TIAM1: variants seen among roughly 807,000 people sequenced by gnomAD.
TIAM1 encodes the protein TIAM Rac1 associated GEF 1, also known as rho guanine nucleotide exchange factor TIAM1.
In TIAM1, 65 loss-of-function variants were observed where a neutral mutation model predicts 163.5. The observed-to-expected ratio is 0.40, with a 90% CI of 0.33 to 0.49. The LOEUF is 0.49. TIAM1 is among the 20% of genes least tolerant of loss of function. The pLI is 0.77. For synonymous variants in TIAM1, 833 were observed against 810.1 expected (o/e 1.03, Z -0.48); for missense variants, 1,789 against 2,044.7 (o/e 0.87, Z 2.41).
rs373797523 is a variant in TIAM1, at chr21:31,127,206, A to G, written c.4046-54T>C. The G allele has an allele frequency of 3.3e-5, 52 of 1,555,276 alleles. No homozygotes were observed. The African/African-American group carries it at 5.7e-4, about 17-fold the overall frequency. ...GGGTATGTTTCAAGTGGATTTATTTACATGTTTGCAAAAGCATTTTTCAGC... is the reference window on the plus strand; with the variant it reads ...GGGTATGTTTCAAGTGGATTTATTTGCATGTTTGCAAAAGCATTTTTCAGC... On this transcript the variant is annotated intron_variant, in intron 25 of 27. Coordinates refer to ENST00000541036, the MANE Select transcript of TIAM1 (RefSeq NM_001353694.2).
intron 19 of TIAM1, among the ~76,000 whole-genome samples, chr21:31,152,431 C>T (rs2083422729): frequency 1.3e-5 from 2 of 152,204 alleles, no homozygotes; most frequent in Non-Finnish European, 2.9e-5. Context: ...ACGTAAAAGC[C>T]AGCAGCTGCA....
intron 1 of TIAM1, among the ~76,000 whole-genome samples, chr21:31,478,113 T>C (rs1043630095): frequency 2.0e-5 from 3 of 152,252 alleles, no homozygotes; most frequent in East Asian, 1.9e-4. Flanking sequence ...GTTAGATTGC[T>C]GGCCTTATTG....
intron 2 of TIAM1, among the ~76,000 whole-genome samples, chr21:31,369,204 T>C (rs993921032): frequency 8.1e-6 from 1 of 123,260 alleles, no homozygotes; most frequent in Non-Finnish European, 1.6e-5. Flanking sequence ...CCAGCCTGGG[T>C]GACAGAGCGA....
intron 6 of TIAM1, among the ~76,000 whole-genome samples, chr21:31,234,791 AG>A (rs1379005967): frequency 6.9e-6 from 1 of 144,906 alleles, no homozygotes; most frequent in Non-Finnish European, 1.5e-5. Context: ...CCAAAAAAAA[AG>A]AGAAGAAATT....
intron 1 of TIAM1, among the ~76,000 whole-genome samples, chr21:31,508,458 G>A (rs977418599): frequency 5.4e-5 from 8 of 148,108 alleles, no homozygotes; most frequent in Non-Finnish European, 8.9e-5. Flanking sequence ...GCACAATCTC[G>A]GCTCACTGCA....
At chr21:31,490,587 T>A (rs774805050) in intron 1 of TIAM1, among the ~76,000 whole-genome samples, 3 of 152,118 alleles carry the variant, frequency 2.0e-5, no homozygotes, top group Non-Finnish European at 4.4e-5. Context: ...CAGCCTGAAA[T>A]AAGCCAGATA....
At chr21:31,490,020 C>CT (rs1173187235) in intron 1 of TIAM1, among the ~76,000 whole-genome samples, 3 of 152,220 alleles carry the variant, frequency 2.0e-5, no homozygotes, top group African/African-American at 7.2e-5. Context: ...CTAGCGTTCA[C>CT]TGAAAAGTGT....
intron 20 of TIAM1, among the ~76,000 whole-genome samples, chr21:31,144,719 T>C (rs7282755): frequency 0.16 from 24,444 of 150,444 alleles, 2,984 homozygotes; most frequent in African/African-American, 0.35. Flanking sequence ...ATCCCAGCTA[T>C]TCAGGAGGCT....
At chr21:31,385,210 T>C (rs980044532) in intron 2 of TIAM1, among the ~76,000 whole-genome samples, 9 of 152,194 alleles carry the variant, frequency 5.9e-5, no homozygotes, top group African/African-American at 1.9e-4. Flanking sequence ...TACAGGCACC[T>C]GCCACCATGC....
chr21:31,130,963 A>G lies in TIAM1; in HGVS notation c.3884-15T>C. 6.2e-7 allele frequency: 1 copy of G among 1,611,872 alleles called. No homozygotes were observed. Among genetic ancestry groups the G allele is most frequent in the South Asian group, 1.1e-5 (1 of 91,052 alleles). On this transcript the variant is annotated splice_polypyrimidine_tract_variant and intron_variant, in intron 23 of 27. Transcript: ENST00000541036. ...AGTTTTGAAGACTGGAAAAAATAAA[A>G]TAAAGACAGTTATGGTATGTCATGT...
chr21:31,204,954 G>A (rs1422820653), intron 11 of TIAM1, among the ~76,000 whole-genome samples: 1 of 152,208 alleles, frequency 6.6e-6, no homozygotes, highest in Non-Finnish European at 1.5e-5. Context: ...ATGTCCCAGT[G>A]CACCTGGCTT....
intron 16 of TIAM1, among the ~76,000 whole-genome samples, chr21:31,155,682 T>C (rs2083586503): frequency 6.6e-6 from 1 of 152,092 alleles, no homozygotes; most frequent in Non-Finnish European, 1.5e-5. Context: ...TTTTTTGTAT[T>C]TTTAGGAGAG....
chr21:31,169,553 C>T lies in TIAM1; in HGVS notation c.2888-4488G>A, dbSNP rs940670769. On this transcript the variant is annotated intron_variant, in intron 15 of 27. Transcript: ENST00000541036. ...GCATTTTCAGCTAAAATATCATCCACGAAGGAGACTTTAAGACTTTTGAGA... is the reference window on the plus strand; with the variant it reads ...GCATTTTCAGCTAAAATATCATCCATGAAGGAGACTTTAAGACTTTTGAGA... 2.6e-5 allele frequency among the ~76,000 whole-genome samples: 4 copies of T among 152,018 alleles called. No individual in the cohort carries two copies. In the South Asian group the frequency reaches 6.2e-4, roughly 24 times the overall value.
intron 5 of TIAM1, among the ~76,000 whole-genome samples, chr21:31,250,433 A>C (rs572253467): frequency 6.6e-6 from 1 of 152,310 alleles, no homozygotes; most frequent in East Asian, 1.9e-4. Flanking sequence ...GGCACCAAGA[A>C]TAATGGGGCC....
At chr21:31,210,246 C>G in intron 10 of TIAM1, 31 bp from the exon 11 acceptor site, 1 of 1,608,076 alleles carries the variant, frequency 6.2e-7, no homozygotes. Flanking sequence ...AGCAGGGCAG[C>G]AGCAGTGGAG....
At chr21:31,530,738 T>C (rs2047943241) in intron 1 of TIAM1, among the ~76,000 whole-genome samples, 1 of 151,790 alleles carries the variant, frequency 6.6e-6, no homozygotes, top group African/African-American at 2.4e-5. Flanking sequence ...AGAACCAACC[T>C]CCAAGACCCC....
chr21:31,401,140 T>G (rs557457480), intron 2 of TIAM1, among the ~76,000 whole-genome samples: 1 of 152,290 alleles, frequency 6.6e-6, no homozygotes, highest in African/African-American at 2.4e-5. Flanking sequence ...AAGTCGAAGT[T>G]AGGAACTCAA....
At chr21:31,125,030 T>G (rs1439957608) in intron 26 of TIAM1, among the ~76,000 whole-genome samples, 1 of 152,130 alleles carries the variant, frequency 6.6e-6, no homozygotes, top group African/African-American at 2.4e-5. Context: ...AAAATGTTTT[T>G]GAGGGCAAAT....
At chr21:31,544,655 A>T (rs1381103298) in intron 1 of TIAM1, among the ~76,000 whole-genome samples, 1 of 151,566 alleles carries the variant, frequency 6.6e-6, no homozygotes, top group Non-Finnish European at 1.5e-5. Flanking sequence ...AAGCAAACAA[A>T]CAGGCAGTCT....
Sources: allele counts gnomAD v4.1 joint callset (sites outside exome capture counted in the v4.1 genomes callset), GRCh38; gene constraint gnomAD v4.1.1; transcripts MANE v1.5; gene names NCBI Gene and HGNC (gene_info 2026-07-23, HGNC 2026-07-21).